ERC1: variants seen among roughly 807,000 people sequenced by gnomAD.
ERC1 encodes the protein ELKS/RAB6-interacting/CAST family member 1.
In ERC1, 56 loss-of-function variants were observed where a neutral mutation model predicts 132.0. The ratio of observed to expected loss-of-function variants is 0.42; its 90% CI spans 0.34 to 0.53. The LOEUF is 0.53. Ranked by LOEUF, ERC1 falls within the 20% of genes least tolerant of loss-of-function variation. The pLI, the probability that ERC1 is intolerant of heterozygous loss-of-function variation, is 0.03. For missense variants in ERC1, 1,202 were observed against 1,349.9 expected, an observed-to-expected ratio of 0.89 and a Z score of 1.72; for synonymous variants, 478 against 476.1, an observed-to-expected ratio of 1.00 and a Z score of -0.05.
intron 14 of ERC1, among the ~76,000 whole-genome samples, chr12:1,280,641 G>A (rs1291848945): frequency 1.3e-5 from 2 of 152,140 alleles, no homozygotes; most frequent in Non-Finnish European, 2.9e-5. Flanking sequence ...GTATTTGCAA[G>A]GGTTTTAGTC....
chr12:1,407,626 A>C (rs943996570), intron 16 of ERC1, among the ~76,000 whole-genome samples: 2 of 152,168 alleles, frequency 1.3e-5, no homozygotes, highest in African/African-American at 4.8e-5. Context: ...TGCCAGTCTT[A>C]GCCCAAGCTG....
intron 8 of ERC1, among the ~76,000 whole-genome samples, chr12:1,158,653 A>G (rs1212072633): frequency 7.1e-6 from 1 of 140,918 alleles, no homozygotes; most frequent in Non-Finnish European, 1.5e-5. Context: ...GGGTTTCTCC[A>G]TGTTGGTCAG....
intron 14 of ERC1, among the ~76,000 whole-genome samples, chr12:1,269,668 T>A (rs1423643549): frequency 1.3e-5 from 2 of 152,228 alleles, no homozygotes; most frequent in African/African-American, 4.8e-5. Context: ...TAGCCTAGGC[T>A]GGATGTCTTC....
chr12:1,444,807 G>C (rs766796283), intron 18 of ERC1, 57 bp downstream of exon 18: 3 of 1,522,828 alleles, frequency 2.0e-6, no homozygotes, highest in Non-Finnish European at 2.7e-6. Flanking sequence ...TGCTGTGTAG[G>C]TTGATGCAGT....
intron 13 of ERC1, among the ~76,000 whole-genome samples, chr12:1,252,974 G>A (rs1237577096): frequency 6.6e-6 from 1 of 152,202 alleles, no homozygotes; most frequent in Admixed American, 6.5e-5. Flanking sequence ...AAGAATTACT[G>A]TCTCTTTACG....
intron 15 of ERC1, among the ~76,000 whole-genome samples, chr12:1,361,466 T>C (rs2154370737): frequency 6.6e-6 from 1 of 152,308 alleles, no homozygotes; most frequent in East Asian, 1.9e-4. Flanking sequence ...ATTAAACTAG[T>C]AAACAATTTG....
chr12:1,165,680 T>G (rs1952351708), intron 8 of ERC1, among the ~76,000 whole-genome samples: 1 of 152,174 alleles, frequency 6.6e-6, no homozygotes, highest in African/African-American at 2.4e-5. Flanking sequence ...TAAACTGTTT[T>G]GTGTTATTTG....
In ERC1 at chr12:1,279,929, C is replaced by A. The variant is rs574957546; in HGVS notation, c.2620-9923C>A. Among the ~76,000 whole-genome samples, 5 of 152,284 alleles carry A rather than the reference C, an allele frequency of 3.3e-5. No individual in the cohort carries two copies. In the East Asian group the frequency reaches 9.6e-4, roughly 29 times the overall value. ...CAGGCTGGTCTCGAACTCCTGACCT[C>A]ATGATCCACCCTCCTCAGCCTCCCA... On this transcript the variant is annotated intron_variant, in intron 14 of 18. Transcript: ENST00000360905.
chr12:1,190,109 G>A (rs1347450465), intron 12 of ERC1, 57 bp downstream of exon 12: 4 of 1,432,816 alleles, frequency 2.8e-6, no homozygotes, highest in African/African-American at 1.4e-5. Context: ...TTAAAAGTAT[G>A]CTTTTGGGGA....
At chr12:1,211,120 C>G (rs568734941) in intron 12 of ERC1, among the ~76,000 whole-genome samples, 1 of 152,076 alleles carries the variant, frequency 6.6e-6, no homozygotes, top group African/African-American at 2.4e-5. Context: ...GAAAAATAAT[C>G]CCCTTCAAAT....
chr12:1,345,919 G>T (rs536987446), intron 15 of ERC1, among the ~76,000 whole-genome samples: 2 of 152,102 alleles, frequency 1.3e-5, no homozygotes, highest in African/African-American at 4.8e-5. Context: ...CATTCTACTT[G>T]AAGTATTACT....
At position 1,444,500 on chromosome 12, in the gene ERC1, C is replaced by T. The variant is rs1467455170; in HGVS notation, c.3025-62C>T. 20 of 1,200,572 alleles carry T rather than the reference C, an allele frequency of 1.7e-5. No homozygotes were observed. The South Asian group carries it at 2.3e-4, about 14-fold the overall frequency. 74.4% of individuals were successfully genotyped at this position (1,200,572 alleles called of 1,614,324 possible). A position where few individuals can be genotyped will look rare whatever the true frequency, so the allele number is the denominator to read the frequency against. On this transcript the variant is annotated intron_variant, in intron 17 of 18. Transcript: ENST00000360905. ...AAGCATAAAGAATATTTGAACCTCT[C>T]ATTTCAGACTGACCTTGACTTTCCT...
At chr12:1,066,356 T>C (rs1394441524) in intron 2 of ERC1, among the ~76,000 whole-genome samples, 1 of 152,250 alleles carries the variant, frequency 6.6e-6, no homozygotes, top group Non-Finnish European at 1.5e-5. Flanking sequence ...CAAAGAACTA[T>C]ATTAGTAGTT....
intron 7 of ERC1, among the ~76,000 whole-genome samples, chr12:1,134,728 CTTTTT>C (rs201981125): frequency 7.3e-6 from 1 of 136,072 alleles, no homozygotes. Context: ...TCCTCAGTAA[CTTTTT>C]TTTTTTTTTT....
At chr12:1,241,960 G>A (rs574465474) in intron 13 of ERC1, among the ~76,000 whole-genome samples, 1 of 143,794 alleles carries the variant, frequency 7.0e-6, no homozygotes, top group Non-Finnish European at 1.5e-5. Flanking sequence ...CTGGGTTCAA[G>A]TGATTCTCCT....
chr12:1,103,695 G>C (rs1944925329), intron 3 of ERC1, among the ~76,000 whole-genome samples: 1 of 152,128 alleles, frequency 6.6e-6, no homozygotes, highest in Non-Finnish European at 1.5e-5. Context: ...GAAGGATGGA[G>C]CAGGTTTGGG....
rs142237450 is a variant in ERC1 at position 1,403,533 on chromosome 12, A to C, written c.2926-4616A>C. ...CAGACTTCACACCAAGTTTCTTCATACTAGACCTAGGAACACTAAACTTTG... is the reference window on the plus strand; with the variant it reads ...CAGACTTCACACCAAGTTTCTTCATCCTAGACCTAGGAACACTAAACTTTG... On this transcript the variant is annotated intron_variant, in intron 16 of 18. Coordinates refer to ENST00000360905, the MANE Select transcript of ERC1 (RefSeq NM_178040.4). Among the ~76,000 whole-genome samples the C allele has an allele frequency of 2.5e-3, 376 of 152,282 alleles. 6 individuals are homozygous for C. Among genetic ancestry groups the C allele is most frequent in the Non-Finnish European group, 5.7e-4 (39 of 68,026 alleles).
At chr12:1,377,305 T>C (rs1445799953) in intron 16 of ERC1, among the ~76,000 whole-genome samples, 1 of 152,256 alleles carries the variant, frequency 6.6e-6, no homozygotes, top group African/African-American at 2.4e-5. Flanking sequence ...TCGGTAAAGC[T>C]GAGTACTTTG....
At chr12:1,012,769 C>T (rs772340932) in intron 1 of ERC1, among the ~76,000 whole-genome samples, 5 of 152,042 alleles carry the variant, frequency 3.3e-5, no homozygotes, top group African/African-American at 4.8e-5. Flanking sequence ...TTAATCTTAA[C>T]CATTAATTCA....
Sources: gnomAD v4.1 joint callset for allele counts (sites outside exome capture counted in the v4.1 genomes callset) on GRCh38, gnomAD v4.1.1 for gene constraint, MANE v1.5 for transcripts, NCBI Gene and HGNC (gene_info 2026-07-23, HGNC 2026-07-21) for gene names.